ST6GALNAC3: variants seen among roughly 807,000 people sequenced by gnomAD.
The protein encoded by ST6GALNAC3 is alpha-N-acetylgalactosaminide alpha-2,6-sialyltransferase 3.
A neutral mutation model predicts 32.7 loss-of-function variants in ST6GALNAC3; 25 were observed. That is an observed-to-expected ratio of 0.76 (90% confidence interval 0.56 to 1.07). The LOEUF (loss-of-function observed/expected upper bound fraction) is 1.07, where lower values mean the gene tolerates loss of function less well. Ranked by LOEUF, ST6GALNAC3 falls within the 50% of genes least tolerant of loss-of-function variation. The pLI is 0.00. For synonymous variants in ST6GALNAC3, 129 were observed against 133.1 expected (o/e 0.97, Z 0.21); for missense variants, 355 against 382.4 (o/e 0.93, Z 0.60).
intron 1 of ST6GALNAC3, among the ~76,000 whole-genome samples, chr1:76,167,937 G>A (rs1342528435): frequency 6.6e-6 from 1 of 152,130 alleles, no homozygotes; most frequent in African/African-American, 2.4e-5. Flanking sequence ...TCAAAAAACA[G>A]CTCCTGGATT....
intron 3 of ST6GALNAC3, among the ~76,000 whole-genome samples, chr1:76,430,439 C>G (rs567716000): frequency 6.6e-6 from 1 of 152,304 alleles, no homozygotes; most frequent in African/African-American, 2.4e-5. Context: ...CTGGCCCAAC[C>G]ACATGGGTCT....
chr1:76,454,886 A>G (rs1312001019), intron 3 of ST6GALNAC3, among the ~76,000 whole-genome samples: 2 of 151,576 alleles, frequency 1.3e-5, no homozygotes, highest in African/African-American at 2.4e-5. Context: ...TAAGTTCTTG[A>G]AAGTTTTCTT....
chr1:76,423,929 C>A (rs1460011511), intron 3 of ST6GALNAC3, among the ~76,000 whole-genome samples: 2 of 151,872 alleles, frequency 1.3e-5, no homozygotes, highest in Admixed American at 6.6e-5. Flanking sequence ...ACCATTAAAT[C>A]TTTACTAACA....
chr1:76,314,329 T>C (rs978750376), intron 2 of ST6GALNAC3, among the ~76,000 whole-genome samples: 1 of 152,116 alleles, frequency 6.6e-6, no homozygotes, highest in Non-Finnish European at 1.5e-5. Context: ...GAGAACTAGC[T>C]GGCTTGATTT....
chr1:76,133,554 C>T (rs1005726702), intron 1 of ST6GALNAC3, among the ~76,000 whole-genome samples: 5 of 152,216 alleles, frequency 3.3e-5, no homozygotes, highest in Non-Finnish European at 7.3e-5. Context: ...ATTTGTCCAC[C>T]TATATCCAGA....
intron 3 of ST6GALNAC3, among the ~76,000 whole-genome samples, chr1:76,497,286 G>A (rs1389891754): frequency 2.0e-5 from 3 of 152,154 alleles, no homozygotes; most frequent in Non-Finnish European, 4.4e-5. Flanking sequence ...GAAGCCTGAT[G>A]TACCTGCACC....
At chr1:76,276,637 A>G (rs1284411047) in intron 1 of ST6GALNAC3, among the ~76,000 whole-genome samples, 1 of 152,158 alleles carries the variant, frequency 6.6e-6, no homozygotes, top group East Asian at 1.9e-4. Context: ...TCTCTTATAC[A>G]TTGTTGTGCC....
At chr1:76,547,861 CAA>C (rs34464699) in intron 3 of ST6GALNAC3, among the ~76,000 whole-genome samples, 1,609 of 123,338 alleles carry the variant, frequency 0.013, 22 homozygotes, top group African/African-American at 0.025. Context: ...GATTCTGTCT[CAA>C]AAAAAAAAAA....
At chr1:76,494,508 A>G (rs186781557) in intron 3 of ST6GALNAC3, among the ~76,000 whole-genome samples, 48 of 122,362 alleles carry the variant, frequency 3.9e-4, no homozygotes, top group Admixed American at 1.1e-3. Context: ...TCTTCCACTT[A>G]TTACCCTTGG....
intron 3 of ST6GALNAC3, among the ~76,000 whole-genome samples, chr1:76,475,064 C>CGTGTGTTCA (rs1553123697): frequency 9.9e-5 from 15 of 152,028 alleles, no homozygotes; most frequent in African/African-American, 3.4e-4. Context: ...ACTTTTGTTC[C>CGTGTGTTCA]GTGTGTGCAT....
chr1:76,397,413 C>T (rs1653056085), intron 2 of ST6GALNAC3, among the ~76,000 whole-genome samples: 1 of 138,846 alleles, frequency 7.2e-6, no homozygotes, highest in South Asian at 2.2e-4. Flanking sequence ...CACTTGTTGC[C>T]CAGGCTGGAG....
chr1:76,155,766 C>A (rs1485803311), intron 1 of ST6GALNAC3, among the ~76,000 whole-genome samples: 1 of 152,200 alleles, frequency 6.6e-6, no homozygotes, highest in Non-Finnish European at 1.5e-5. Context: ...TGTGAGCCAC[C>A]GCGCCCGGCC....
chr1:76,137,949 G>A lies in ST6GALNAC3; in HGVS notation c.18+63065G>A, dbSNP rs576664532. ...GCTCAAGTGACTTGGAAACCTCACT[G>A]TAACTACTATTGCATAACTTCAACA... On this transcript the variant is annotated intron_variant, in intron 1 of 4. Transcript: ENST00000328299. Among the ~76,000 whole-genome samples, 4 of 152,324 alleles carry A rather than the reference G, an allele frequency of 2.6e-5. No homozygotes were observed. In the East Asian group the frequency reaches 5.8e-4, roughly 22 times the overall value.
rs141054294 is a variant in ST6GALNAC3 at position 76,380,261 on chromosome 1, C to T, written c.214-31747C>T. On this transcript the variant is annotated intron_variant, in intron 2 of 4. Coordinates refer to ENST00000328299, the MANE Select transcript of ST6GALNAC3 (RefSeq NM_152996.4). ...ATCAGGGTAGTGCAAATTAAAACCACAATGAGATAAAAATACTACCAGAAT... is the reference window on the plus strand; with the variant it reads ...ATCAGGGTAGTGCAAATTAAAACCATAATGAGATAAAAATACTACCAGAAT... Among the ~76,000 whole-genome samples the T allele has an allele frequency of 3.4e-3, 523 of 152,182 alleles. 7 individuals carry two copies. The highest frequency in any genetic ancestry group is 0.014 in the Admixed American group (217 of 15,288).
chr1:76,535,951 T>C (rs184366099), intron 3 of ST6GALNAC3, among the ~76,000 whole-genome samples: 35 of 152,290 alleles, frequency 2.3e-4, no homozygotes, highest in Admixed American at 2.0e-3. Flanking sequence ...TGATGGCTAT[T>C]TTATTCTACT....
chr1:76,099,650 G>T lies in ST6GALNAC3; in HGVS notation c.18+24766G>T, dbSNP rs72674428. On this transcript the variant is annotated intron_variant, in intron 1 of 4. Coordinates refer to ENST00000328299, the MANE Select transcript of ST6GALNAC3 (RefSeq NM_152996.4). ...ACTCTACAGTGATATAAATCAATCA[G>T]TGGTTGACTGAAGTCAGGGATGAAG... 7.7e-3 allele frequency among the ~76,000 whole-genome samples: 1,179 copies of T among 152,288 alleles called. 7 individuals carry two copies. Among genetic ancestry groups the T allele is most frequent in the Non-Finnish European group, 0.012 (844 of 68,006 alleles).
At chr1:76,239,617 AACTC>A in intron 1 of ST6GALNAC3, among the ~76,000 whole-genome samples, 1 of 152,130 alleles carries the variant, frequency 6.6e-6, no homozygotes, top group South Asian at 2.1e-4. Flanking sequence ...ACAGAGCAGG[AACTC>A]ACTCATTACT....
At position 76,313,961 on chromosome 1, in the gene ST6GALNAC3, C is replaced by T. The variant is rs1466068803; in HGVS notation, c.175C>T (p.Arg59Ter). ...CTCCTACACATACAGGCGGCCCCTT[C>T]GAACTCACTATGGATACATAAATGT... ...PFSYTYRRPL[R>*]THYGYINVKT... The change falls in exon 2 of 5, where the codon CGA (arginine) becomes TGA (stop). Residue 59 changes from arginine to a stop codon, truncating the protein, a stop_gained. Coordinates refer to ENST00000328299, the MANE Select transcript of ST6GALNAC3 (RefSeq NM_152996.4). LOFTEE classifies it high-confidence loss of function. 3 of 1,613,160 alleles carry T rather than the reference C, an allele frequency of 1.9e-6. No homozygotes were observed. Among genetic ancestry groups the T allele is most frequent in the African/African-American group, 1.3e-5 (1 of 74,960 alleles).
chr1:76,189,101 C>A (rs1187814316), intron 1 of ST6GALNAC3, among the ~76,000 whole-genome samples: 1 of 152,048 alleles, frequency 6.6e-6, no homozygotes, highest in East Asian at 1.9e-4. Flanking sequence ...TTGGATGGGG[C>A]CAAGAGGGTA....
Sources: allele counts gnomAD v4.1 joint callset (sites outside exome capture counted in the v4.1 genomes callset), GRCh38; gene constraint gnomAD v4.1.1; transcripts MANE v1.5; gene names NCBI Gene and HGNC (gene_info 2026-07-23, HGNC 2026-07-21).